GALNTL6: variants seen among roughly 807,000 people sequenced by gnomAD.
GALNTL6 encodes the protein polypeptide N-acetylgalactosaminyltransferase like 6.
In GALNTL6, 46 loss-of-function variants were observed where a neutral mutation model predicts 73.7. That is an observed-to-expected ratio of 0.62 (90% CI 0.49 to 0.80). GALNTL6 has a LOEUF of 0.80. GALNTL6 is among the 30% of genes least tolerant of loss of function. GALNTL6 has a pLI of 0.00. For missense variants in GALNTL6, 604 were observed against 755.0 expected (o/e 0.80, Z 2.34); for synonymous variants, 259 against 263.7 (o/e 0.98, Z 0.17).
chr4:171,942,021 G>A (rs1327788992), intron 2 of GALNTL6, among the ~76,000 whole-genome samples: 1 of 152,068 alleles, frequency 6.6e-6, no homozygotes. Context: ...TCAGGAAATA[G>A]TTGAGCCCTT....
chr4:172,384,358 C>G (rs901854548), intron 5 of GALNTL6, among the ~76,000 whole-genome samples: 1 of 151,928 alleles, frequency 6.6e-6, no homozygotes, highest in Non-Finnish European at 1.5e-5. Flanking sequence ...AAAAATTTGT[C>G]CTTTTAATCT....
At chr4:172,010,469 G>T (rs1456696496) in intron 2 of GALNTL6, among the ~76,000 whole-genome samples, 1 of 151,962 alleles carries the variant, frequency 6.6e-6, no homozygotes, top group Non-Finnish European at 1.5e-5. Flanking sequence ...ATGAATTGGG[G>T]CAGTACATTT....
intron 2 of GALNTL6, among the ~76,000 whole-genome samples, chr4:171,901,395 A>G (rs1490733281): frequency 6.6e-6 from 1 of 152,200 alleles, no homozygotes; most frequent in Non-Finnish European, 1.5e-5. Flanking sequence ...CTAGACACCT[A>G]CCACCAGGGA....
intron 2 of GALNTL6, among the ~76,000 whole-genome samples, chr4:172,155,436 T>A (rs1453752383): frequency 6.6e-6 from 1 of 152,186 alleles, no homozygotes; most frequent in Non-Finnish European, 1.5e-5. Context: ...AATTTGGGGT[T>A]CAGCCTTCAG....
intron 3 of GALNTL6, among the ~76,000 whole-genome samples, chr4:172,255,180 A>G (rs1272563462): frequency 2.0e-5 from 3 of 151,668 alleles, no homozygotes; most frequent in Non-Finnish European, 4.4e-5. Flanking sequence ...CAATTATGCT[A>G]TCTCTGACAA....
chr4:171,952,726 T>C (rs942023899), intron 2 of GALNTL6, among the ~76,000 whole-genome samples: 4 of 152,106 alleles, frequency 2.6e-5, no homozygotes, highest in African/African-American at 4.8e-5. Context: ...ACTAAATCTA[T>C]GGTGAATGCC....
At chr4:172,637,886 A>G (rs187332242) in intron 5 of GALNTL6, among the ~76,000 whole-genome samples, 4 of 152,170 alleles carry the variant, frequency 2.6e-5, no homozygotes, top group South Asian at 2.1e-4. Flanking sequence ...TTAATCTCCT[A>G]TTGGACCCTA....
intron 2 of GALNTL6, among the ~76,000 whole-genome samples, chr4:171,989,211 T>TA (rs201410828): frequency 0.011 from 1,744 of 152,230 alleles, 16 homozygotes; most frequent in African/African-American, 0.03. Context: ...GGGACGGACT[T>TA]ACTTTCCACT....
At chr4:172,341,544 C>T (rs1268586291) in intron 4 of GALNTL6, among the ~76,000 whole-genome samples, 3 of 151,926 alleles carry the variant, frequency 2.0e-5, no homozygotes, top group Non-Finnish European at 4.4e-5. Flanking sequence ...TTGTAGCTCC[C>T]ATAATTCCCA....
At chr4:172,172,696 G>T (rs1734870340) in intron 2 of GALNTL6, among the ~76,000 whole-genome samples, 1 of 152,142 alleles carries the variant, frequency 6.6e-6, no homozygotes, top group Non-Finnish European at 1.5e-5. Context: ...CTTTCTTACA[G>T]CACAGCAAGC....
intron 8 of GALNTL6, among the ~76,000 whole-genome samples, chr4:172,927,676 C>T (rs2111309484): frequency 6.6e-6 from 1 of 152,134 alleles, no homozygotes; most frequent in African/African-American, 2.4e-5. Flanking sequence ...TCAGTTAAAA[C>T]CCCAAGTAAA....
At chr4:172,899,621 C>G (rs1746517168) in intron 8 of GALNTL6, among the ~76,000 whole-genome samples, 1 of 152,050 alleles carries the variant, frequency 6.6e-6, no homozygotes, top group South Asian at 2.1e-4. Context: ...GATCCATACC[C>G]CAAGAGAAGG....
rs546081882 is a variant in GALNTL6 at position 171,926,740 on chromosome 4, C to T, written c.138+112022C>T. 5.9e-5 allele frequency among the ~76,000 whole-genome samples: 9 copies of T among 152,104 alleles called. No individual in the cohort carries two copies. In the South Asian group the frequency reaches 1.2e-3, roughly 21 times the overall value. ...AACATTATTTAATGCACTTCTTGTC[C>T]TTTTGGTTTCTTGCTCTGTGAATTT... On this transcript the variant is annotated intron_variant, in intron 2 of 12. Coordinates refer to ENST00000506823, the MANE Select transcript of GALNTL6 (RefSeq NM_001034845.3).
intron 2 of GALNTL6, among the ~76,000 whole-genome samples, chr4:172,085,650 G>T (rs1285724133): frequency 6.6e-6 from 1 of 151,416 alleles, no homozygotes; most frequent in East Asian, 1.9e-4. Flanking sequence ...AATTTGCATG[G>T]CAAGAAAATC....
rs373089155 is a variant in GALNTL6 at position 172,112,364 on chromosome 4, T to G, written c.139-117292T>G. ...TAAAGCTGCTATAAATGTCCATGTG[T>G]AGGTTTTTTTGTGGACATAAGTTTT... On this transcript the variant is annotated intron_variant, in intron 2 of 12. Transcript: ENST00000506823. Among the ~76,000 whole-genome samples the G allele has an allele frequency of 2.0e-5, 3 of 152,188 alleles. No homozygotes were observed. In the East Asian group the frequency reaches 5.8e-4, roughly 29 times the overall value.
intron 5 of GALNTL6, among the ~76,000 whole-genome samples, chr4:172,586,484 A>G (rs1737414637): frequency 6.6e-6 from 1 of 152,106 alleles, no homozygotes; most frequent in African/African-American, 2.4e-5. Context: ...AGAAAAAAAA[A>G]AAAAAAAGGA....
At chr4:172,130,269 A>G (rs1733452298) in intron 2 of GALNTL6, among the ~76,000 whole-genome samples, 1 of 150,616 alleles carries the variant, frequency 6.6e-6, no homozygotes, top group Non-Finnish European at 1.5e-5. Flanking sequence ...TTGATGTAAC[A>G]TAGCATTCAA....
At chr4:171,823,271 C>G (rs579472) in intron 2 of GALNTL6, among the ~76,000 whole-genome samples, 105,452 of 151,814 alleles carry the variant, frequency 0.69, 38,885 homozygotes, top group Admixed American at 0.83. Context: ...CAGCATTGAT[C>G]TAAATGGCTG....
chr4:172,404,737 A>G (rs1052716725), intron 5 of GALNTL6, among the ~76,000 whole-genome samples: 1 of 152,130 alleles, frequency 6.6e-6, no homozygotes, highest in African/African-American at 2.4e-5. Context: ...AGTACATAAT[A>G]TAGCCAATTG....
Sources: allele counts gnomAD v4.1 joint callset (sites outside exome capture counted in the v4.1 genomes callset), GRCh38; gene constraint gnomAD v4.1.1; transcripts MANE v1.5; gene names NCBI Gene and HGNC (gene_info 2026-07-23, HGNC 2026-07-21).